The following AMOTL1 variants were observed in gnomAD, a reference collection of about 807,000 sequenced individuals.
AMOTL1 encodes the protein angiomotin-like protein 1.
A neutral mutation model predicts 102.9 loss-of-function variants in AMOTL1; 45 were observed. That is an observed-to-expected ratio of 0.44 (90% CI 0.34 to 0.56). The LOEUF is 0.56. AMOTL1 is among the 20% of genes least tolerant of loss of function. The probability of loss-of-function intolerance (pLI) is 0.01; values close to 1 mark genes in which losing one functional copy is unlikely to be tolerated. For synonymous variants in AMOTL1, 481 were observed against 484.7 expected (o/e 0.99, Z 0.10); for missense variants, 1,114 against 1,225.6 (o/e 0.91, Z 1.36).
chr11:94,850,753 A>G (rs897328169), intron 7 of AMOTL1, among the ~76,000 whole-genome samples: 1 of 152,168 alleles, frequency 6.6e-6, no homozygotes, highest in Admixed American at 6.5e-5. Context: ...ACCTTCCAGC[A>G]CCCTGTGGTG....
chr11:94,768,336 G>C (rs1950883745), upstream of AMOTL1: 1 of 1,377,328 alleles, frequency 7.3e-7, no homozygotes, highest in African/African-American at 1.5e-5. Context: ...CGGGGAGCGG[G>C]GAGCGCGGAC....
intron 2 of AMOTL1, among the ~76,000 whole-genome samples, chr11:94,730,482 A>T (rs1269597377): frequency 6.6e-6 from 1 of 152,088 alleles, no homozygotes; most frequent in East Asian, 1.9e-4. Context: ...CTCCCTCCTC[A>T]GTGCTGCCAT....
intron 4 of AMOTL1, among the ~76,000 whole-genome samples, chr11:94,828,586 T>TACAA (rs1321190624): frequency 1.2e-3 from 187 of 152,346 alleles, no homozygotes; most frequent in Middle Eastern, 6.8e-3. Flanking sequence ...CATCTCTTTG[T>TACAA]AATATTTACA....
rs182079620 is a variant in AMOTL1 at position 94,736,045 on chromosome 11, T to C, written c.86-4893T>C. ...TCTGTTTCTATGGTAAACTTCCTCT[T>C]GAGCTCCAGAAATATTTCCACCTTG... On this transcript the variant is annotated intron_variant, in intron 2 of 4. Coordinates refer to the AMOTL1 transcript ENST00000299004. Among the ~76,000 whole-genome samples the C allele has an allele frequency of 4.1e-3, 630 of 152,226 alleles. 3 individuals carry two copies. Among genetic ancestry groups the C allele is most frequent in the Non-Finnish European group, 4.4e-3 (301 of 67,996 alleles).
chr11:94,722,162 T>C (rs904659051), intron 1 of AMOTL1, among the ~76,000 whole-genome samples: 3 of 152,142 alleles, frequency 2.0e-5, no homozygotes, highest in Admixed American at 1.3e-4. Context: ...TGCTCTTTCC[T>C]GACTAGTTTT....
intron 2 of AMOTL1, among the ~76,000 whole-genome samples, chr11:94,732,343 G>A (rs578096840): frequency 1.3e-5 from 2 of 152,266 alleles, no homozygotes; most frequent in East Asian, 1.9e-4. Flanking sequence ...ATCTCGGGCT[G>A]CAATTGGGTA....
intron 4 of AMOTL1, among the ~76,000 whole-genome samples, chr11:94,822,318 C>T (rs2033364): frequency 0.25 from 37,846 of 152,102 alleles, 5,324 homozygotes; most frequent in East Asian, 0.47. Flanking sequence ...CCATGCCTTG[C>T]AGTCCCAGCT....
In AMOTL1 at chr11:94,859,247, C is replaced by G. The variant is rs115058553; in HGVS notation, c.1945-278C>G. ...AAGACCTTGACCTGTGGAGATAGAC[C>G]CAGGTTTGAATCCTGACCCTACTAC... On this transcript the variant is annotated intron_variant, in intron 8 of 12. Coordinates refer to ENST00000433060, the MANE Select transcript of AMOTL1 (RefSeq NM_130847.3). 2.3e-3 allele frequency among the ~76,000 whole-genome samples: 353 copies of G among 152,230 alleles called. 2 individuals are homozygous for G. The highest frequency in any genetic ancestry group is 8.3e-3 in the African/African-American group (344 of 41,538).
At position 94,740,587 on chromosome 11, in the gene AMOTL1, C is replaced by A. The variant is rs570976914; in HGVS notation, c.86-351C>A. 3.5e-3 allele frequency among the ~76,000 whole-genome samples: 524 copies of A among 151,300 alleles called. 7 individuals carry two copies. The highest frequency in any genetic ancestry group is 0.011 in the African/African-American group (472 of 41,404). On this transcript the variant is annotated intron_variant, in intron 2 of 4. Transcript: ENST00000299004. ...GGCGCTGGGGCGTCGGCGCCAGGCC[C>A]GGCAGACAGAGCAATGCGCCCCGCG...
intron 3 of AMOTL1, among the ~76,000 whole-genome samples, chr11:94,754,495 C>G (rs1396395532): frequency 6.6e-6 from 1 of 152,248 alleles, no homozygotes; most frequent in African/African-American, 2.4e-5. Flanking sequence ...ATGCTGTCCA[C>G]ACCCTCATGC....
At chr11:94,861,751 G>A (rs769436414) in intron 9 of AMOTL1, among the ~76,000 whole-genome samples, 17 of 152,218 alleles carry the variant, frequency 1.1e-4, no homozygotes, top group Non-Finnish European at 1.9e-4. Flanking sequence ...GGGCTTCCAC[G>A]TGTCATTGTT....
chr11:94,800,208 G>C lies in AMOTL1; in HGVS notation c.1018G>C (p.Gly340Arg). 1 of 1,613,904 alleles carries C rather than the reference G, an allele frequency of 6.2e-7. No individual in the cohort carries two copies. Among genetic ancestry groups the C allele is most frequent in the South Asian group, 1.1e-5 (1 of 91,082 alleles). The change falls in exon 3 of 13, where the codon GGG becomes CGG. Residue 340 changes from glycine (G) to arginine (R), a missense_variant. Physicochemically the swap from Gly to Arg is moderately radical, Grantham distance 125 (BLOSUM62 -2). Coordinates refer to ENST00000433060, the MANE Select transcript of AMOTL1 (RefSeq NM_130847.3). ...ACTTTTTTATGGTGACCAGCACCCCGGGATGCTCCACGAGATGGTCAAGCC... is the reference window on the plus strand; with the variant it reads ...ACTTTTTTATGGTGACCAGCACCCCCGGATGCTCCACGAGATGGTCAAGCC... Reference protein sequence around the residue: ...HGLFYGDQHPGMLHEMVKPYP... With the variant: ...HGLFYGDQHPRMLHEMVKPYP...
chr11:94,790,936 A>G (rs1951274782), intron 1 of AMOTL1, among the ~76,000 whole-genome samples: 1 of 152,016 alleles, frequency 6.6e-6, no homozygotes, highest in Non-Finnish European at 1.5e-5. Context: ...CCCCCAGACA[A>G]CTCACTTCAT....
chr11:94,809,051 A>G (rs988646110), intron 3 of AMOTL1, among the ~76,000 whole-genome samples: 5 of 147,606 alleles, frequency 3.4e-5, no homozygotes, highest in African/African-American at 1.3e-4. Context: ...GCTCACTGCA[A>G]CCTCTGCCTC....
intron 6 of AMOTL1, among the ~76,000 whole-genome samples, chr11:94,845,263 A>G (rs1353270854): frequency 6.6e-6 from 1 of 152,238 alleles, no homozygotes; most frequent in Non-Finnish European, 1.5e-5. Flanking sequence ...AGGGTAAGAC[A>G]GAAAGGGGAC....
At chr11:94,817,736 T>G (rs990945973) in intron 3 of AMOTL1, among the ~76,000 whole-genome samples, 2 of 152,224 alleles carry the variant, frequency 1.3e-5, no homozygotes, top group Non-Finnish European at 2.9e-5. Context: ...TGTTCTTGAA[T>G]GCAGGTTTCT....
chr11:94,789,192 T>A (rs1951240801), intron 1 of AMOTL1, among the ~76,000 whole-genome samples: 2 of 152,216 alleles, frequency 1.3e-5, no homozygotes. Flanking sequence ...AGAGTCTAGC[T>A]CTGTCACCCA....
intron 3 of AMOTL1, among the ~76,000 whole-genome samples, chr11:94,741,142 G>A (rs1200536985): frequency 2.6e-5 from 4 of 152,120 alleles, no homozygotes; most frequent in African/African-American, 9.7e-5. Flanking sequence ...TTCGCGGCCG[G>A]AACCGGCCTT....
intron 3 of AMOTL1, among the ~76,000 whole-genome samples, chr11:94,811,315 A>G (rs1195122044): frequency 6.6e-6 from 1 of 152,080 alleles, no homozygotes; most frequent in Non-Finnish European, 1.5e-5. Context: ...TAACATGGTG[A>G]AACCCCGTCT....
Sources: gnomAD v4.1 joint callset for allele counts (sites outside exome capture counted in the v4.1 genomes callset) on GRCh38, gnomAD v4.1.1 for gene constraint, MANE v1.5 for transcripts, NCBI Gene and HGNC (gene_info 2026-07-23, HGNC 2026-07-21) for gene names.